CNTLN: variants seen among roughly 807,000 people sequenced by gnomAD.
CNTLN encodes the protein centlein, also known as centlein, centrosomal protein.
In CNTLN, 212 loss-of-function variants were observed where a neutral mutation model predicts 180.0. The ratio of observed to expected loss-of-function variants is 1.18; its 90% CI spans 1.05 to 1.32. The LOEUF is 1.32. CNTLN is among the 40% of genes most tolerant of loss of function. The pLI, the probability that CNTLN is intolerant of heterozygous loss-of-function variation, is 0.00. For synonymous variants in CNTLN, 722 were observed against 563.1 expected (o/e 1.28, Z -3.99); for missense variants, 2,095 against 1,610.9 (o/e 1.30, Z -5.14).
At chr9:17,228,923 T>C (rs1242854807) in intron 3 of CNTLN, among the ~76,000 whole-genome samples, 1 of 152,062 alleles carries the variant, frequency 6.6e-6, no homozygotes, top group Admixed American at 6.6e-5. Flanking sequence ...TGAGCTCCTC[T>C]TAGAAAGTTT....
At chr9:17,189,998 ACT>A (rs1191607146) in intron 2 of CNTLN, among the ~76,000 whole-genome samples, 1 of 149,204 alleles carries the variant, frequency 6.7e-6, no homozygotes, top group Non-Finnish European at 1.5e-5. Context: ...AACTTCCGGA[ACT>A]CTCTCTCTCA....
Position 17,394,684 on chromosome 9 carries a change from GAA to G in CNTLN, c.2231_2232del (p.Glu744AlafsTer7). ...TACAGAGACCAGAGAAAAAGAGCTA[GAA>G]CAGATAATAAAGGGGAGTAAAGATG... ...EDTETREKEL[E>X]QIIKGSKDVE... is the part of the protein sequence containing the mutation. On this transcript the variant is annotated frameshift_variant, in exon 15 of 26. Transcript: ENST00000380647. LOFTEE classifies it high-confidence loss of function. The G allele has an allele frequency of 6.2e-7, 1 of 1,613,712 alleles. No homozygotes were observed. The highest frequency in any genetic ancestry group is 8.5e-7 in the Non-Finnish European group (1 of 1,179,818).
chr9:17,242,683 A>G (rs1825567843), intron 5 of CNTLN, among the ~76,000 whole-genome samples: 1 of 152,142 alleles, frequency 6.6e-6, no homozygotes, highest in Non-Finnish European at 1.5e-5. Flanking sequence ...CATATGTTAA[A>G]CCATCCTTGC....
chr9:17,329,199 G>T (rs946012305), intron 8 of CNTLN, among the ~76,000 whole-genome samples: 38 of 151,866 alleles, frequency 2.5e-4, no homozygotes, highest in African/African-American at 9.2e-4. Context: ...TATATGATAG[G>T]ATGTTAATAT....
At chr9:17,445,042 A>C (rs4639598) in intron 18 of CNTLN, among the ~76,000 whole-genome samples, 1,769 of 152,256 alleles carry the variant, frequency 0.012, 35 homozygotes, top group African/African-American at 0.04. Flanking sequence ...ATCCCATTTT[A>C]AATGGTATCA....
intron 5 of CNTLN, among the ~76,000 whole-genome samples, chr9:17,263,444 G>T (rs10962967): frequency 0.047 from 7,084 of 151,140 alleles, 254 homozygotes; most frequent in South Asian, 0.15. Context: ...GTCTGTCTTT[G>T]TTGGGCATTT....
chr9:17,150,118 A>G (rs1005622378), intron 2 of CNTLN, among the ~76,000 whole-genome samples: 10 of 152,070 alleles, frequency 6.6e-5, no homozygotes, highest in African/African-American at 2.2e-4. Context: ...CACTCTGATG[A>G]TAGTTTCTTT....
intron 20 of CNTLN, 44 bp from the exon 21 acceptor site, chr9:17,464,453 A>G (rs375685897): frequency 6.7e-7 from 1 of 1,496,512 alleles, no homozygotes; most frequent in African/African-American, 1.5e-5. Flanking sequence ...ACCACTGTTA[A>G]GGTATTTTCT....
At position 17,236,589 on chromosome 9, in the gene CNTLN, G is replaced by C; in HGVS notation, c.849+1G>C. 6.2e-7 allele frequency: 1 copy of C among 1,600,010 alleles called. No individual in the cohort carries two copies. The highest frequency in any genetic ancestry group is 8.5e-7 in the Non-Finnish European group (1 of 1,174,654). ...ATATAGCACTGATGCAAAAATAAAG[G>C]TATACAATAGGAATGGAATCCATAC... On this transcript the variant is annotated splice_donor_variant, in intron 5 of 25. Transcript: ENST00000380647. LOFTEE classifies it high-confidence loss of function.
At chr9:17,417,885 T>G (rs1322243108) in intron 18 of CNTLN, among the ~76,000 whole-genome samples, 7 of 152,020 alleles carry the variant, frequency 4.6e-5, no homozygotes. Flanking sequence ...AGATTTCAAC[T>G]ACTTGTAAAG....
At chr9:17,281,403 A>C (rs1030193993) in intron 6 of CNTLN, among the ~76,000 whole-genome samples, 6 of 151,994 alleles carry the variant, frequency 3.9e-5, no homozygotes, top group Admixed American at 3.9e-4. Context: ...ATTAAGCCCC[A>C]CATATATTAG....
intron 2 of CNTLN, among the ~76,000 whole-genome samples, chr9:17,170,725 A>G (rs1337643823): frequency 6.7e-6 from 1 of 149,496 alleles, no homozygotes; most frequent in Non-Finnish European, 1.5e-5. Flanking sequence ...TTAATCATCC[A>G]TCTGTGTTCT....
intron 18 of CNTLN, among the ~76,000 whole-genome samples, chr9:17,455,993 A>G (rs1171098954): frequency 6.6e-6 from 1 of 152,182 alleles, no homozygotes; most frequent in Admixed American, 6.6e-5. Context: ...AGGAAGTTGT[A>G]TAAAAGGTGG....
chr9:17,212,154 C>T (rs1469506143), intron 2 of CNTLN, among the ~76,000 whole-genome samples: 2 of 152,080 alleles, frequency 1.3e-5, no homozygotes, highest in African/African-American at 4.8e-5. Flanking sequence ...GGAATGCTTC[C>T]AGTTTTTGCC....
intron 18 of CNTLN, among the ~76,000 whole-genome samples, chr9:17,454,371 T>C (rs186987217): frequency 1.3e-4 from 20 of 152,334 alleles, no homozygotes; most frequent in Non-Finnish European, 2.9e-4. Context: ...AATAGATGTT[T>C]AGGAGACTGT....
chr9:17,483,292 T>C (rs1177443026), intron 23 of CNTLN, among the ~76,000 whole-genome samples: 1 of 151,012 alleles, frequency 6.6e-6, no homozygotes, highest in African/African-American at 2.4e-5. Flanking sequence ...TACTCTGAAA[T>C]AGCATATTGG....
At chr9:17,314,136 A>C (rs987696241) in intron 8 of CNTLN, among the ~76,000 whole-genome samples, 1 of 152,206 alleles carries the variant, frequency 6.6e-6, no homozygotes, top group African/African-American at 2.4e-5. Flanking sequence ...GTTATGCCCA[A>C]CTTGCTCTTA....
chr9:17,423,268 G>A (rs76066008), intron 18 of CNTLN, among the ~76,000 whole-genome samples: 5,215 of 152,254 alleles, frequency 0.034, 154 homozygotes, highest in East Asian at 0.17. Context: ...TTAGTCAGCA[G>A]GTAATGAATC....
intron 12 of CNTLN, among the ~76,000 whole-genome samples, 168 bp downstream of exon 12, chr9:17,342,612 T>C (rs937118644): frequency 3.3e-5 from 5 of 152,248 alleles, no homozygotes; most frequent in Admixed American, 6.5e-5. Flanking sequence ...ATATGTATTA[T>C]GCAATAACAA....
Sources: gnomAD v4.1 joint callset for allele counts (sites outside exome capture counted in the v4.1 genomes callset) on GRCh38, gnomAD v4.1.1 for gene constraint, MANE v1.5 for transcripts, NCBI Gene and HGNC (gene_info 2026-07-23, HGNC 2026-07-21) for gene names.